SETDB2: variants seen among roughly 807,000 people sequenced by gnomAD.
The protein encoded by SETDB2 is SET domain bifurcated histone lysine methyltransferase 2, also known as histone-lysine N-methyltransferase SETDB2.
Under a neutral mutation model 82.5 loss-of-function variants are expected in SETDB2, and 56 were observed. The observed-to-expected ratio is 0.68, with a 90% CI of 0.55 to 0.85. SETDB2 has a LOEUF of 0.85. SETDB2 is among the 40% of genes least tolerant of loss of function. The pLI is 0.00. For synonymous variants in SETDB2, 272 were observed against 284.9 expected (o/e 0.95, Z 0.46); for missense variants, 677 against 816.4 (o/e 0.83, Z 2.08).
chr13:49,471,934 A>ATATATATATATATTT (rs1378783393), intron 5 of SETDB2, among the ~76,000 whole-genome samples: 4 of 119,278 alleles, frequency 3.4e-5, no homozygotes, highest in East Asian at 2.4e-4. Context: ...ATATATATAT[A>ATATATATATATATTT]TTTTTTTTTT....
At chr13:49,483,922 TG>T (rs1169794844) in intron 10 of SETDB2, among the ~76,000 whole-genome samples, 3 of 152,300 alleles carry the variant, frequency 2.0e-5, no homozygotes, top group South Asian at 4.1e-4. Flanking sequence ...ACCCAGCTGC[TG>T]GGGCCCTTCT....
Position 49,492,799 on chromosome 13 carries a change from A to T in SETDB2, c.*950A>T, listed in dbSNP as rs1351530525. The T allele has an allele frequency of 6.6e-6, 1 of 152,240 alleles. No homozygotes were observed. Among genetic ancestry groups the T allele is most frequent in the Non-Finnish European group, 1.5e-5 (1 of 68,108 alleles). The allele number at this position is 152,240 out of a possible 1,614,324, so 9.4% of individuals were successfully genotyped here. A position where few individuals can be genotyped will look rare whatever the true frequency, so the allele number is the denominator to read the frequency against. ...CATGTCAAAACCCTGTCTCTACAAA[A>T]AATACAAAAATTAGCCTGGCATGAT... On this transcript the variant is annotated 3_prime_UTR_variant, in exon 14 of 14. Coordinates refer to ENST00000611815, the MANE Select transcript of SETDB2 (RefSeq NM_001160308.3).
intron 5 of SETDB2, among the ~76,000 whole-genome samples, chr13:49,470,966 C>CTTTCTTTCTTT (rs10695231): frequency 0.011 from 899 of 80,454 alleles, 23 homozygotes; most frequent in South Asian, 0.022. Context: ...TTCTTTCTTT[C>CTTTCTTTCTTT]TTTTTTTTTT....
chr13:49,444,947 C>T (rs576242279), intron 1 of SETDB2, 90 bp downstream of exon 1: 2 of 152,332 alleles, frequency 1.3e-5, no homozygotes, highest in South Asian at 4.1e-4. Context: ...TTCTGACTCG[C>T]TATCAGCCAC....
Position 49,473,573 on chromosome 13 carries a change from AT to A in SETDB2, c.306-2901del, listed in dbSNP as rs995469727. On this transcript the variant is annotated intron_variant, in intron 5 of 13. Coordinates refer to ENST00000611815, the MANE Select transcript of SETDB2 (RefSeq NM_001160308.3). ...CTCCAAAAAAAAAAAAAAAAAAAAA[AT>A]TCATAGGCAAAATGTCAAATGACAT... is the stretch of plus-strand genomic sequence containing the variant. 3.3e-5 allele frequency among the ~76,000 whole-genome samples: 5 copies of A among 151,328 alleles called. No homozygotes were observed. In the South Asian group the frequency reaches 1.0e-3, roughly 32 times the overall value.
chr13:49,478,552 A>G (rs953216142), intron 6 of SETDB2, among the ~76,000 whole-genome samples: 4 of 152,210 alleles, frequency 2.6e-5, no homozygotes, highest in Admixed American at 2.0e-4. Context: ...GAGTCCCGAC[A>G]AGTAGAGAGA....
rs1206359495 is a variant in SETDB2, at chr13:49,492,092, A to G, written c.*243A>G. On this transcript the variant is annotated 3_prime_UTR_variant, in exon 14 of 14. Transcript: ENST00000611815. ...TTACATGAGTAGGATGGAAGTGTAT[A>G]TTTTATATGAAATACCACTGTACAA... The G allele has an allele frequency of 2.5e-6, 1 of 406,762 alleles. No homozygotes were observed. The highest frequency in any genetic ancestry group is 4.6e-6 in the Non-Finnish European group (1 of 218,772). The allele number at this position is 406,762 out of a possible 1,614,324, so 25.2% of individuals were successfully genotyped here.
At chr13:49,450,145 C>T (rs533291430) in intron 1 of SETDB2, among the ~76,000 whole-genome samples, 33 of 152,298 alleles carry the variant, frequency 2.2e-4, no homozygotes, top group African/African-American at 6.5e-4. Context: ...AAGTTAGTCA[C>T]GGTTTGTCTA....
intron 6 of SETDB2, among the ~76,000 whole-genome samples, chr13:49,477,813 A>G (rs1023540620): frequency 8.5e-5 from 13 of 152,262 alleles, no homozygotes; most frequent in Non-Finnish European, 1.9e-4. Flanking sequence ...CCATTGGGTT[A>G]TATGTTGCAT....
chr13:49,464,388 A>G (rs1958059418), intron 4 of SETDB2, among the ~76,000 whole-genome samples: 1 of 152,156 alleles, frequency 6.6e-6, no homozygotes, highest in Non-Finnish European at 1.5e-5. Context: ...AATAATCTTT[A>G]TGTTACTATA....
rs755201973 is a variant in SETDB2, at chr13:49,461,057, A to G, written c.143-40A>G. On this transcript the variant is annotated intron_variant, in intron 3 of 13. Coordinates refer to ENST00000611815, the MANE Select transcript of SETDB2 (RefSeq NM_001160308.3). ...GTTTAGCACAGTAGCTGGCACCATA[A>G]ATAAAGGTAATGGTGATGCTGTTTT... The G allele has an allele frequency of 3.4e-6, 5 of 1,490,264 alleles. No homozygotes were observed. The African/African-American group carries it at 7.0e-5, about 21-fold the overall frequency. 92.3% of individuals were successfully genotyped at this position (1,490,264 alleles called of 1,614,324 possible).
At chr13:49,491,237 A>G (rs1165750507) in intron 13 of SETDB2, among the ~76,000 whole-genome samples, 5 of 152,224 alleles carry the variant, frequency 3.3e-5, no homozygotes, top group Non-Finnish European at 7.3e-5. Context: ...AAAGATATAT[A>G]CTATAGCCCC....
Position 49,491,989 on chromosome 13 carries a change from T to C in SETDB2, c.*140T>C. ...TTTATGTTTTATTTCAGATTTTATTTGTGTGACTTAGAAATTCCAGGAACA... is the reference window on the plus strand; with the variant it reads ...TTTATGTTTTATTTCAGATTTTATTCGTGTGACTTAGAAATTCCAGGAACA... On this transcript the variant is annotated 3_prime_UTR_variant, in exon 14 of 14. Coordinates refer to ENST00000611815, the MANE Select transcript of SETDB2 (RefSeq NM_001160308.3). 8.2e-6 allele frequency: 6 copies of C among 729,126 alleles called. No individual in the cohort carries two copies. In the South Asian group the frequency reaches 8.7e-5, roughly 11 times the overall value. 45.2% of individuals were successfully genotyped at this position (729,126 alleles called of 1,614,324 possible).
At chr13:49,474,926 C>T (rs1444926512) in intron 5 of SETDB2, among the ~76,000 whole-genome samples, 6 of 152,342 alleles carry the variant, frequency 3.9e-5, no homozygotes, top group South Asian at 2.1e-4. Context: ...GCTACCATAT[C>T]GGACAGCACA....
At chr13:49,467,231 C>T (rs2138888440) in intron 4 of SETDB2, among the ~76,000 whole-genome samples, 1 of 152,146 alleles carries the variant, frequency 6.6e-6, no homozygotes, top group East Asian at 1.9e-4. Context: ...CCTGTCTCTA[C>T]TAAAACTACA....
chr13:49,445,206 C>G (rs1208115482), intron 1 of SETDB2, among the ~76,000 whole-genome samples: 1 of 152,116 alleles, frequency 6.6e-6, no homozygotes, highest in East Asian at 1.9e-4. Flanking sequence ...TAATTTAACC[C>G]ACATGACTGT....
chr13:49,451,259 C>A (rs1423033923), intron 1 of SETDB2, among the ~76,000 whole-genome samples: 1 of 150,712 alleles, frequency 6.6e-6, no homozygotes, highest in Non-Finnish European at 1.5e-5. Flanking sequence ...TTAGTATTAT[C>A]CCCTTTTTAA....
At chr13:49,451,034 C>T (rs1301032985) in intron 1 of SETDB2, among the ~76,000 whole-genome samples, 4 of 150,806 alleles carry the variant, frequency 2.7e-5, no homozygotes, top group African/African-American at 4.9e-5. Context: ...GTTATACAGC[C>T]AGTTGTATTA....
chr13:49,451,586 G>A lies in SETDB2; in HGVS notation c.-308G>A. ...ATCCATTTGTGGACCAAAAGATGGAGTTGGTTTTTATTTTTAAAAAGATAA... is the reference window on the plus strand; with the variant it reads ...ATCCATTTGTGGACCAAAAGATGGAATTGGTTTTTATTTTTAAAAAGATAA... On this transcript the variant is annotated 5_prime_UTR_variant, in exon 2 of 14. Coordinates refer to ENST00000611815, the MANE Select transcript of SETDB2 (RefSeq NM_001160308.3). 5.6e-6 allele frequency: 1 copy of A among 177,088 alleles called. No individual in the cohort carries two copies. Among genetic ancestry groups the A allele is most frequent in the Non-Finnish European group, 1.2e-5 (1 of 84,970 alleles). 11.0% of individuals were successfully genotyped at this position (177,088 alleles called of 1,614,324 possible).
Sources: gnomAD v4.1 joint callset for allele counts (sites outside exome capture counted in the v4.1 genomes callset) on GRCh38, gnomAD v4.1.1 for gene constraint, MANE v1.5 for transcripts, NCBI Gene and HGNC (gene_info 2026-07-23, HGNC 2026-07-21) for gene names.